Variants in KCNQ5 observed in about 807,000 individuals in gnomAD.
KCNQ5 encodes potassium voltage-gated channel subfamily KQT member 5.
Under a neutral mutation model 98.2 loss-of-function variants are expected in KCNQ5, and 30 were observed. That is an observed-to-expected ratio of 0.31 (90% CI 0.23 to 0.41). The LOEUF is 0.41. KCNQ5 is among the 10% of genes least tolerant of loss of function. KCNQ5 has a pLI of 1.00. For synonymous variants in KCNQ5, 458 were observed against 449.4 expected, an observed-to-expected ratio of 1.02 and a Z score of -0.24; for missense variants, 835 against 1,182.5, an observed-to-expected ratio of 0.71 and a Z score of 4.31.
chr6:72,950,505 C>T (rs1451942081), intron 1 of KCNQ5, among the ~76,000 whole-genome samples: 1 of 152,200 alleles, frequency 6.6e-6, no homozygotes, highest in African/African-American at 2.4e-5. Flanking sequence ...GGTTTCCATG[C>T]ATGAATCACA....
At chr6:72,794,077 A>G (rs544988631) in intron 1 of KCNQ5, among the ~76,000 whole-genome samples, 1 of 152,260 alleles carries the variant, frequency 6.6e-6, no homozygotes, top group Non-Finnish European at 1.5e-5. Flanking sequence ...AAGAAGTATT[A>G]TCATAAAATT....
At chr6:73,081,484 T>C (rs887003752) in intron 5 of KCNQ5, among the ~76,000 whole-genome samples, 1 of 152,200 alleles carries the variant, frequency 6.6e-6, no homozygotes, top group Non-Finnish European at 1.5e-5. Flanking sequence ...TTTAGATTTA[T>C]TTTGAAATAA....
chr6:73,143,273 A>G (rs1038821840), intron 10 of KCNQ5, among the ~76,000 whole-genome samples: 5 of 152,146 alleles, frequency 3.3e-5, no homozygotes, highest in Admixed American at 1.3e-4. Context: ...TTTTCTTCCA[A>G]ATCTGAGTTT....
intron 10 of KCNQ5, among the ~76,000 whole-genome samples, chr6:73,166,522 A>AAC (rs1173181840): frequency 3.1e-5 from 3 of 97,764 alleles, no homozygotes; most frequent in South Asian, 5.9e-4. Flanking sequence ...TAAAAAAAAA[A>AAC]AAAACTCTTA....
chr6:73,055,776 G>A, intron 3 of KCNQ5: 1 of 941,886 alleles, frequency 1.1e-6, no homozygotes, highest in South Asian at 1.3e-5. Context: ...ATCAAGCCCA[G>A]CCCACGCAGT....
intron 1 of KCNQ5, among the ~76,000 whole-genome samples, chr6:72,831,017 C>A (rs1776239140): frequency 1.3e-5 from 2 of 152,120 alleles, no homozygotes; most frequent in Admixed American, 1.3e-4. Flanking sequence ...AAATGCAAAT[C>A]AAAACCATGA....
rs146414448 is a variant in KCNQ5 at position 72,873,548 on chromosome 6, A to G, written c.399-130360A>G. 1.4e-4 allele frequency among the ~76,000 whole-genome samples: 22 copies of G among 152,238 alleles called. No homozygotes were observed. In the East Asian group the frequency reaches 4.1e-3, roughly 28 times the overall value. On this transcript the variant is annotated intron_variant, in intron 1 of 13. Transcript: ENST00000370398. ...AAAAGAACAGAAATGCTTACATGAT[A>G]TTTCTGCTTCCAGATATCAGATGTG...
intron 6 of KCNQ5, among the ~76,000 whole-genome samples, chr6:73,110,658 C>A (rs1467994648): frequency 6.6e-6 from 1 of 152,166 alleles, no homozygotes; most frequent in Non-Finnish European, 1.5e-5. Flanking sequence ...AATAGAAAAC[C>A]TTCTACTCTA....
intron 1 of KCNQ5, among the ~76,000 whole-genome samples, chr6:72,894,263 T>A (rs79079292): frequency 1.1e-4 from 17 of 152,204 alleles, no homozygotes; most frequent in Non-Finnish European, 2.5e-4. Flanking sequence ...ACACTTCTTG[T>A]GGGTTCATTT....
chr6:72,877,105 G>A (rs1192877395), intron 1 of KCNQ5, among the ~76,000 whole-genome samples: 1 of 152,028 alleles, frequency 6.6e-6, no homozygotes, highest in Non-Finnish European at 1.5e-5. Flanking sequence ...GTGCAGGTTT[G>A]TTACATAGGT....
intron 1 of KCNQ5, among the ~76,000 whole-genome samples, chr6:72,890,798 G>T (rs1269167806): frequency 6.6e-6 from 1 of 152,206 alleles, no homozygotes; most frequent in Non-Finnish European, 1.5e-5. Flanking sequence ...TCAGAAGACA[G>T]TAGAAAGAAT....
In KCNQ5 at chr6:72,622,214, G is replaced by C; in HGVS notation, c.25G>C (p.Glu9Gln). The change falls in exon 1 of 14, where the codon GAG becomes CAG. Residue 9 changes from glutamate to glutamine, a missense_variant. Transcript: ENST00000370398. The surrounding 1 kb of genome is among the most constrained non-coding windows in gnomAD (Gnocchi z 6.0). MPRHHAGG[E>Q]EGGAAGLWVK... Reference sequence around the variant, plus strand: ...CATGCCCCGCCACCACGCGGGAGGAGAGGAGGGCGGCGCCGCCGGGCTCTG... The same window carrying C: ...CATGCCCCGCCACCACGCGGGAGGACAGGAGGGCGGCGCCGCCGGGCTCTG... 3 of 1,231,980 alleles carry C rather than the reference G, an allele frequency of 2.4e-6. No homozygotes were observed. The highest frequency in any genetic ancestry group is 3.0e-6 in the Non-Finnish European group (3 of 988,626). The allele number at this position is 1,231,980 out of a possible 1,614,324, so 76.3% of individuals were successfully genotyped here. A position where few individuals can be genotyped will look rare whatever the true frequency, so the allele number is the denominator to read the frequency against.
intron 7 of KCNQ5, among the ~76,000 whole-genome samples, chr6:73,120,008 C>G (rs1200344301): frequency 1.3e-5 from 2 of 151,222 alleles, no homozygotes; most frequent in African/African-American, 2.4e-5. Flanking sequence ...GAGGCCAAGG[C>G]AGGCGGATCA....
intron 1 of KCNQ5, among the ~76,000 whole-genome samples, chr6:72,720,403 T>C (rs1769895851): frequency 6.6e-6 from 1 of 152,198 alleles, no homozygotes; most frequent in African/African-American, 2.4e-5. Flanking sequence ...TGTTGCCTGT[T>C]CTAGGGGCAT....
intron 1 of KCNQ5, among the ~76,000 whole-genome samples, chr6:72,823,713 C>G (rs903971546): frequency 6.6e-6 from 1 of 152,086 alleles, no homozygotes; most frequent in Non-Finnish European, 1.5e-5. Context: ...GTGACACCCC[C>G]GAAGTTGCAC....
chr6:73,141,830 A>G (rs1349800382), intron 10 of KCNQ5, among the ~76,000 whole-genome samples: 1 of 152,258 alleles, frequency 6.6e-6, no homozygotes, highest in Non-Finnish European at 1.5e-5. Context: ...ATGCTGTATT[A>G]GTTATCTATT....
intron 1 of KCNQ5, among the ~76,000 whole-genome samples, chr6:72,641,088 T>C (rs2098926955): frequency 6.6e-6 from 1 of 152,194 alleles, no homozygotes; most frequent in Non-Finnish European, 1.5e-5. Flanking sequence ...GACGGTGTTT[T>C]TCTTGGAGTT....
intron 1 of KCNQ5, among the ~76,000 whole-genome samples, chr6:72,858,860 C>A (rs1363375643): frequency 6.6e-6 from 1 of 151,906 alleles, no homozygotes; most frequent in African/African-American, 2.4e-5. Context: ...TAATTAATAT[C>A]TATAGTTTAG....
chr6:72,890,403 G>T (rs1213043852), intron 1 of KCNQ5, among the ~76,000 whole-genome samples: 3 of 150,176 alleles, frequency 2.0e-5, no homozygotes, highest in Non-Finnish European at 4.4e-5. Flanking sequence ...TACTCATCTG[G>T]TATGACTGAA....
Sources: allele counts gnomAD v4.1 joint callset (sites outside exome capture counted in the v4.1 genomes callset), GRCh38; gene constraint gnomAD v4.1.1; non-coding constraint Gnocchi (gnomAD v3.1); transcripts MANE v1.5; gene names NCBI Gene and HGNC (gene_info 2026-07-23, HGNC 2026-07-21).